Variants in ZRANB3 observed in about 807,000 individuals in gnomAD.
ZRANB3 encodes DNA annealing helicase and endonuclease ZRANB3.
ZRANB3 carries 125 observed loss-of-function variants against 133.8 expected under a neutral mutation model. That is an observed-to-expected ratio of 0.93 (90% CI 0.81 to 1.08). The LOEUF (loss-of-function observed/expected upper bound fraction) is 1.08, where lower values mean the gene tolerates loss of function less well. Among genes scored for constraint, ZRANB3 ranks in the 50% least tolerant of loss-of-function variants. The probability of loss-of-function intolerance (pLI) is 0.00; values close to 1 mark genes in which losing one functional copy is unlikely to be tolerated. For synonymous variants in ZRANB3, 387 were observed against 432.7 expected, an observed-to-expected ratio of 0.89 and a Z score of 1.31; for missense variants, 1,229 against 1,275.5, an observed-to-expected ratio of 0.96 and a Z score of 0.56.
At chr2:135,202,512 G>A (rs1449948672) in intron 20 of ZRANB3, 1 of 190,076 alleles carries the variant, frequency 5.3e-6, no homozygotes, top group Non-Finnish European at 1.1e-5. Flanking sequence ...ATGCAAACAT[G>A]TATCACTGCC....
At chr2:135,509,483 T>TAA (rs1559045793) in intron 1 of ZRANB3, among the ~76,000 whole-genome samples, 1 of 152,144 alleles carries the variant, frequency 6.6e-6, no homozygotes, top group East Asian at 1.9e-4. Context: ...ATCTAGATAT[T>TAA]AAAAACAATA....
At chr2:135,230,092 A>G (rs1479509356) in intron 13 of ZRANB3, among the ~76,000 whole-genome samples, 1 of 152,226 alleles carries the variant, frequency 6.6e-6, no homozygotes, top group Non-Finnish European at 1.5e-5. Flanking sequence ...GCTACATTAG[A>G]TTATTTTGCC....
intron 2 of ZRANB3, among the ~76,000 whole-genome samples, chr2:135,492,612 G>C (rs1271975445): frequency 6.6e-6 from 1 of 152,014 alleles, no homozygotes; most frequent in Non-Finnish European, 1.5e-5. Context: ...TTAAAATGTA[G>C]CACCAGTCTG....
intron 17 of ZRANB3, among the ~76,000 whole-genome samples, chr2:135,216,970 G>A (rs1694337412): frequency 6.6e-6 from 1 of 152,162 alleles, no homozygotes; most frequent in Non-Finnish European, 1.5e-5. Context: ...ATATCTGACG[G>A]TCAACCTTTC....
At chr2:135,425,651 C>G (rs1316421443) in intron 2 of ZRANB3, among the ~76,000 whole-genome samples, 2 of 151,860 alleles carry the variant, frequency 1.3e-5, no homozygotes, top group Admixed American at 6.6e-5. Flanking sequence ...TGAATGAGAA[C>G]AAAGATACAA....
Position 135,227,965 on chromosome 2 carries a change from C to T in ZRANB3, c.2005G>A (p.Asp669Asn). The change falls in exon 14 of 21, where the codon GAT becomes AAT. Residue 669 changes from aspartate to asparagine, a missense_variant. By Grantham distance (23) the Asp-to-Asn change is conservative. Transcript: ENST00000264159. ...TTTTTGGAGGTGTCTTTCTGAGAAT[C>T]ATCCTTCTCGTTTTTATCCTGGATA... is the stretch of plus-strand genomic sequence containing the variant. The part of the protein sequence containing the change: ...NHIQDKNEKD[D>N]SQKDTSKKVQ... 6.4e-7 allele frequency: 1 copy of T among 1,552,176 alleles called. No individual in the cohort carries two copies. Among genetic ancestry groups the T allele is most frequent in the Non-Finnish European group, 8.7e-7 (1 of 1,147,092 alleles).
At chr2:135,529,510 T>C (rs971785485) in intron 1 of ZRANB3, among the ~76,000 whole-genome samples, 35 of 152,172 alleles carry the variant, frequency 2.3e-4, no homozygotes, top group African/African-American at 8.2e-4. Context: ...TTTGTTTTTG[T>C]TTTTGTTTTG....
chr2:135,263,470 G>A (rs1199564160), intron 12 of ZRANB3, among the ~76,000 whole-genome samples: 7 of 152,094 alleles, frequency 4.6e-5, no homozygotes, highest in Non-Finnish European at 8.8e-5. Flanking sequence ...GAGCCTAGAA[G>A]CAACGATAGC....
At chr2:135,451,584 A>C (rs955604957) in intron 2 of ZRANB3, among the ~76,000 whole-genome samples, 4 of 151,944 alleles carry the variant, frequency 2.6e-5, no homozygotes, top group South Asian at 2.1e-4. Context: ...AAACAAAAAA[A>C]AAACAAACCA....
At chr2:135,431,907 T>A (rs1337730718) in intron 2 of ZRANB3, among the ~76,000 whole-genome samples, 1 of 152,034 alleles carries the variant, frequency 6.6e-6, no homozygotes, top group Non-Finnish European at 1.5e-5. Context: ...ATTATGAAGG[T>A]ATATAACACT....
At chr2:135,258,721 T>A (rs558899815) in intron 12 of ZRANB3, among the ~76,000 whole-genome samples, 1 of 152,166 alleles carries the variant, frequency 6.6e-6, no homozygotes, top group Admixed American at 6.5e-5. Context: ...GTGCTTTGAA[T>A]TCCTAAAATA....
chr2:135,520,579 A>AT (rs1235347658), intron 1 of ZRANB3, among the ~76,000 whole-genome samples: 5 of 151,210 alleles, frequency 3.3e-5, no homozygotes, highest in Non-Finnish European at 7.4e-5. Context: ...CACCTGGCTA[A>AT]TTGTTTTTTT....
At chr2:135,327,384 G>A (rs997481344) in intron 6 of ZRANB3, among the ~76,000 whole-genome samples, 1 of 152,076 alleles carries the variant, frequency 6.6e-6, no homozygotes, top group Non-Finnish European at 1.5e-5. Flanking sequence ...TTGACAGATT[G>A]GTTGGAGTCT....
In ZRANB3 at chr2:135,294,590, A is replaced by C. The variant is rs1198700998; in HGVS notation, c.967-18835T>G. On this transcript the variant is annotated intron_variant, in intron 8 of 20. Transcript: ENST00000264159. ...TTTTTGAAGGGTTTTTTGTGTCTCT[A>C]TTTCCTTCAGTACTACTCTGATCTT... Among the ~76,000 whole-genome samples the C allele has an allele frequency of 2.0e-5, 3 of 151,786 alleles. No homozygotes were observed. In the East Asian group the frequency reaches 5.8e-4, roughly 29 times the overall value.
chr2:135,397,239 CTGAGA>C (rs2104933976), intron 2 of ZRANB3, among the ~76,000 whole-genome samples: 2 of 152,050 alleles, frequency 1.3e-5, no homozygotes, highest in South Asian at 4.2e-4. Flanking sequence ...GCGTACCAAT[CTGAGA>C]CCAACGTGGG....
intron 3 of ZRANB3, among the ~76,000 whole-genome samples, chr2:135,375,031 GA>G (rs1686357532): frequency 6.6e-6 from 1 of 152,082 alleles, no homozygotes; most frequent in Non-Finnish European, 1.5e-5. Context: ...ATAGCTAAAA[GA>G]AAAATGATAA....
intron 2 of ZRANB3, among the ~76,000 whole-genome samples, chr2:135,481,155 G>C (rs1295256442): frequency 6.6e-6 from 1 of 151,408 alleles, no homozygotes; most frequent in Admixed American, 6.6e-5. Flanking sequence ...GGGTCAAATG[G>C]TATTTCCAGT....
At chr2:135,220,368 T>C (rs1694489358) in intron 15 of ZRANB3, among the ~76,000 whole-genome samples, 1 of 151,234 alleles carries the variant, frequency 6.6e-6, no homozygotes, top group Admixed American at 6.6e-5. Context: ...GCTCCCACAA[T>C]TGCTTTGGAG....
chr2:135,254,890 A>G (rs1337417434), intron 12 of ZRANB3, among the ~76,000 whole-genome samples: 1 of 151,958 alleles, frequency 6.6e-6, no homozygotes, highest in Non-Finnish European at 1.5e-5. Context: ...AGCTGGGACT[A>G]CAGGCACACA....
Sources: allele counts gnomAD v4.1 joint callset (sites outside exome capture counted in the v4.1 genomes callset), GRCh38; gene constraint gnomAD v4.1.1; transcripts MANE v1.5; gene names NCBI Gene and HGNC (gene_info 2026-07-23, HGNC 2026-07-21).